Variants in EXOC4 observed in about 807,000 individuals in gnomAD.
EXOC4 encodes exocyst complex component 4, also known as SEC8-like 1.
EXOC4 carries 71 observed loss-of-function variants against 107.2 expected under a neutral mutation model. That is an observed-to-expected ratio of 0.66 (90% CI 0.55 to 0.81). The LOEUF (loss-of-function observed/expected upper bound fraction) is 0.81. Ranked by LOEUF, EXOC4 falls within the 30% of genes least tolerant of loss-of-function variation. The pLI, the probability that EXOC4 is intolerant of heterozygous loss-of-function variation, is 0.00. For synonymous variants in EXOC4, 456 were observed against 441.2 expected (o/e 1.03, Z -0.42); for missense variants, 1,108 against 1,189.6 (o/e 0.93, Z 1.01).
At chr7:133,822,026 C>T (rs189813247) in intron 11 of EXOC4, among the ~76,000 whole-genome samples, 33 of 152,292 alleles carry the variant, frequency 2.2e-4, no homozygotes, top group African/African-American at 7.7e-4. Context: ...CTCTAATGCT[C>T]CCAGGATGAC....
intron 7 of EXOC4, among the ~76,000 whole-genome samples, chr7:133,470,094 T>TAGAGAGAGAGAGGAG (rs1273923100): frequency 6.6e-6 from 1 of 152,164 alleles, no homozygotes. Context: ...GAGGGTTTTG[T>TAGAGAGAGAGAGGAG]AAGCTGAAAA....
At chr7:133,724,202 A>T (rs1795168213) in intron 10 of EXOC4, among the ~76,000 whole-genome samples, 1 of 152,198 alleles carries the variant, frequency 6.6e-6, no homozygotes, top group African/African-American at 2.4e-5. Flanking sequence ...TGGTTTTCCC[A>T]GGCTGATATT....
At position 133,483,907 on chromosome 7, in the gene EXOC4, G is replaced by A. The variant is rs915496115; in HGVS notation, c.1417+3769G>A. Reference sequence around the variant, plus strand: ...TGCATTTCAGCTTGTCCCTGAAAAGGCATAATTGAATAGTTCAGTCAAACC... The same window carrying A: ...TGCATTTCAGCTTGTCCCTGAAAAGACATAATTGAATAGTTCAGTCAAACC... On this transcript the variant is annotated intron_variant, in intron 9 of 17. Coordinates refer to ENST00000253861, the MANE Select transcript of EXOC4 (RefSeq NM_021807.4). The A allele has an allele frequency of 1.0e-5, 9 of 878,154 alleles. No homozygotes were observed. The African/African-American group carries it at 1.5e-4, about 15-fold the overall frequency. The allele number at this position is 878,154 out of a possible 1,614,324, so 54.4% of individuals were successfully genotyped here.
At chr7:133,688,609 T>C (rs931801109) in intron 10 of EXOC4, among the ~76,000 whole-genome samples, 1 of 152,172 alleles carries the variant, frequency 6.6e-6, no homozygotes, top group African/African-American at 2.4e-5. Context: ...AACAAGTAAA[T>C]TATCTTTCAG....
chr7:133,716,171 C>G (rs777711781), intron 10 of EXOC4, among the ~76,000 whole-genome samples: 19 of 152,192 alleles, frequency 1.2e-4, no homozygotes, highest in Non-Finnish European at 2.6e-4. Context: ...GCATTTCATT[C>G]ATTTAGGCAT....
chr7:133,816,908 C>T (rs979617832), intron 10 of EXOC4, among the ~76,000 whole-genome samples: 2 of 152,078 alleles, frequency 1.3e-5, no homozygotes, highest in African/African-American at 4.8e-5. Context: ...GCCACAGACC[C>T]GTACTGGTTC....
chr7:133,311,910 A>C (rs1488190117), intron 4 of EXOC4, among the ~76,000 whole-genome samples: 1 of 152,186 alleles, frequency 6.6e-6, no homozygotes, highest in African/African-American at 2.4e-5. Context: ...TTTGTTCATA[A>C]GATGATCAAA....
At chr7:133,753,658 C>T (rs1795839866) in intron 10 of EXOC4, among the ~76,000 whole-genome samples, 1 of 152,202 alleles carries the variant, frequency 6.6e-6, no homozygotes. Context: ...CACATTCCTG[C>T]CTGAGGAGTC....
chr7:133,467,185 C>A (rs1181801583), intron 7 of EXOC4, among the ~76,000 whole-genome samples: 1 of 151,118 alleles, frequency 6.6e-6, no homozygotes, highest in Non-Finnish European at 1.5e-5. Flanking sequence ...TTTTTAAAAT[C>A]CCTCAAATGA....
At chr7:133,820,288 A>C (rs113140774) in intron 11 of EXOC4, among the ~76,000 whole-genome samples, 6 of 151,432 alleles carry the variant, frequency 4.0e-5, no homozygotes, top group African/African-American at 1.5e-4. Flanking sequence ...AGAGTTATGC[A>C]GTTTAAAAAG....
chr7:133,753,102 A>G (rs1332669972), intron 10 of EXOC4, among the ~76,000 whole-genome samples: 5 of 152,266 alleles, frequency 3.3e-5, no homozygotes, highest in African/African-American at 1.2e-4. Flanking sequence ...CATATTGACC[A>G]ACTCTTTTAA....
chr7:133,389,536 G>GCACTCCA (rs1796803318), intron 7 of EXOC4, among the ~76,000 whole-genome samples: 1 of 132,282 alleles, frequency 7.6e-6, no homozygotes, highest in Non-Finnish European at 1.5e-5. Context: ...TTGCACCATT[G>GCACTCCA]CACTCCAGTC....
At chr7:133,730,821 T>G (rs727834) in intron 10 of EXOC4, among the ~76,000 whole-genome samples, 1 of 152,152 alleles carries the variant, frequency 6.6e-6, no homozygotes, top group Non-Finnish European at 1.5e-5. Flanking sequence ...TGGATTAACT[T>G]GCAATAACAG....
intron 14 of EXOC4, among the ~76,000 whole-genome samples, chr7:133,980,171 C>G (rs983502424): frequency 6.6e-6 from 1 of 152,232 alleles, no homozygotes; most frequent in African/African-American, 2.4e-5. Context: ...TTCAAAATGT[C>G]ATGATCTTAC....
chr7:133,384,070 A>G (rs1463895567), intron 7 of EXOC4, among the ~76,000 whole-genome samples: 2 of 152,212 alleles, frequency 1.3e-5, no homozygotes, highest in African/African-American at 4.8e-5. Context: ...TTCTTCAAGC[A>G]GGAACTGATG....
chr7:133,825,355 ACT>A (rs1452709400), intron 11 of EXOC4, among the ~76,000 whole-genome samples: 3 of 151,894 alleles, frequency 2.0e-5, no homozygotes, highest in African/African-American at 7.3e-5. Context: ...ATAGAGTGAG[ACT>A]CTGTCTCTAA....
intron 6 of EXOC4, among the ~76,000 whole-genome samples, chr7:133,372,488 T>C (rs1796398790): frequency 6.6e-6 from 1 of 152,204 alleles, no homozygotes; most frequent in African/African-American, 2.4e-5. Flanking sequence ...GAGATTGCTA[T>C]TTCCAAGATG....
At chr7:133,650,700 T>C (rs1803122319) in intron 10 of EXOC4, among the ~76,000 whole-genome samples, 1 of 152,186 alleles carries the variant, frequency 6.6e-6, no homozygotes, top group Admixed American at 6.5e-5. Context: ...GCCGACTTCG[T>C]ATTGAAGCCC....
intron 10 of EXOC4, among the ~76,000 whole-genome samples, chr7:133,719,480 G>A (rs1046243654): frequency 2.0e-5 from 3 of 151,662 alleles, no homozygotes; most frequent in Non-Finnish European, 4.4e-5. Flanking sequence ...TATTTTCCAG[G>A]AAGCCATGGA....
Sources: gnomAD v4.1 joint callset for allele counts (sites outside exome capture counted in the v4.1 genomes callset) on GRCh38, gnomAD v4.1.1 for gene constraint, MANE v1.5 for transcripts, NCBI Gene and HGNC (gene_info 2026-07-23, HGNC 2026-07-21) for gene names.